Variants in RNF149 observed in about 807,000 individuals in gnomAD.
The protein encoded by RNF149 is ring finger protein 149.
RNF149 carries 21 observed loss-of-function variants against 39.0 expected under a neutral mutation model. The ratio of observed to expected loss-of-function variants is 0.54; its 90% CI spans 0.38 to 0.77. RNF149 has a LOEUF of 0.77. Ranked by LOEUF, RNF149 falls within the 30% of genes least tolerant of loss-of-function variation. The pLI is 0.00. For missense variants in RNF149, 493 were observed against 534.9 expected, an observed-to-expected ratio of 0.92 and a Z score of 0.77; for synonymous variants, 209 against 213.6, an observed-to-expected ratio of 0.98 and a Z score of 0.19.
intron 1 of RNF149, among the ~76,000 whole-genome samples, chr2:101,303,168 T>C (rs556107132): frequency 1.3e-5 from 2 of 152,226 alleles, no homozygotes; most frequent in East Asian, 1.9e-4. Flanking sequence ...AGAGCTGTAG[T>C]GCAGTGGTGC....
At chr2:101,278,700 C>A (rs569019522) in intron 6 of RNF149, among the ~76,000 whole-genome samples, 2 of 152,290 alleles carry the variant, frequency 1.3e-5, no homozygotes, top group African/African-American at 4.8e-5. Context: ...ACTCTTTGGG[C>A]ATCTTTCAAG....
chr2:101,300,425 G>T (rs1056489785), intron 1 of RNF149, among the ~76,000 whole-genome samples: 14 of 152,194 alleles, frequency 9.2e-5, no homozygotes, highest in South Asian at 2.1e-4. Flanking sequence ...AGGACACCCT[G>T]CACAGAAAAC....
At position 101,295,041 on chromosome 2, in the gene RNF149, C is replaced by T. The variant is rs759582246; in HGVS notation, c.601G>A (p.Val201Met). 2.5e-6 allele frequency: 4 copies of T among 1,614,048 alleles called. No individual in the cohort carries two copies. The highest frequency in any genetic ancestry group is 1.7e-5 in the Admixed American group (1 of 59,994). The stretch of plus-strand genomic sequence containing the variant: ...ATGAAGGCAATGGCCACAAACACCA[C>T]AGACTGACCGCTGATGAACTCCTGT... ...HVQEFISGQS[V>M]VFVAIAFITM... Residue 201 changes from valine to methionine, a missense_variant, in exon 2 of 7, where the codon GTG (valine) becomes ATG (methionine). Transcript: ENST00000295317.
chr2:101,281,543 T>A, intron 6 of RNF149: 3 of 200,462 alleles, frequency 1.5e-5, no homozygotes, highest in East Asian at 1.2e-4. Flanking sequence ...TCACCCAGGC[T>A]CAGGCTGGAG....
chr2:101,308,101 T>A, intron 1 of RNF149, 28 bp downstream of exon 1: 1 of 1,601,528 alleles, frequency 6.2e-7, no homozygotes, highest in Non-Finnish European at 8.5e-7. Flanking sequence ...GAAGTCCCCC[T>A]CCCGTCCTCG....
intron 1 of RNF149, among the ~76,000 whole-genome samples, chr2:101,300,661 CA>C (rs1449669365): frequency 6.6e-6 from 1 of 151,682 alleles, no homozygotes. Context: ...TAAAGCAAAC[CA>C]AAAAAACCTG....
Position 101,308,615 on chromosome 2 carries a change from G to A in RNF149, c.-27C>T. On this transcript the variant is annotated 5_prime_UTR_variant, in exon 1 of 7. Transcript: ENST00000295317. ...GCAGCACCGCTGAGCTGACTAGGGG[G>A]AGTCAGGGTCACGCGCGAGTGCGGT... The A allele has an allele frequency of 1.3e-6, 2 of 1,490,638 alleles. No homozygotes were observed. The highest frequency in any genetic ancestry group is 8.9e-7 in the Non-Finnish European group (1 of 1,128,984). The allele number at this position is 1,490,638 out of a possible 1,614,324, so 92.3% of individuals were successfully genotyped here.
At chr2:101,302,789 G>A (rs1182394039) in intron 1 of RNF149, among the ~76,000 whole-genome samples, 1 of 151,980 alleles carries the variant, frequency 6.6e-6, no homozygotes, top group African/African-American at 2.4e-5. Context: ...GAAGCAGCCG[G>A]GCAACACACG....
At chr2:101,282,343 C>T (rs964427645) in intron 5 of RNF149, among the ~76,000 whole-genome samples, 2 of 152,036 alleles carry the variant, frequency 1.3e-5, no homozygotes, top group Non-Finnish European at 2.9e-5. Context: ...AGCTTTCTTC[C>T]ACTTCCTTGC....
Position 101,295,008 on chromosome 2 carries a change from T to C in RNF149, c.634A>G (p.Met212Val), listed in dbSNP as rs1220821274. ...ATTAGCCAGGCTAACGAGATAATCA[T>C]CATGGTGATGAAGGCAATGGCCACA... The part of the protein sequence containing the change: ...VFVAIAFITM[M>V]IISLAWLIFY... The change falls in exon 2 of 7, where the codon ATG becomes GTG. Residue 212 changes from methionine (M) to valine (V), a missense_variant. By Grantham distance (21) the Met-to-Val change is conservative. Transcript: ENST00000295317. 4 of 1,613,944 alleles carry C rather than the reference T, an allele frequency of 2.5e-6. No homozygotes were observed. Among genetic ancestry groups the C allele is most frequent in the Non-Finnish European group, 3.4e-6 (4 of 1,179,932 alleles).
At chr2:101,297,775 A>G (rs1683291682) in intron 1 of RNF149, among the ~76,000 whole-genome samples, 1 of 152,222 alleles carries the variant, frequency 6.6e-6, no homozygotes, top group Non-Finnish European at 1.5e-5. Context: ...TGTATGTACA[A>G]CCATCATCAC....
At chr2:101,272,583 G>A (rs1045481231), downstream of RNF149, among the ~76,000 whole-genome samples, 1 of 152,122 alleles carries the variant, frequency 6.6e-6, no homozygotes, top group Non-Finnish European at 1.5e-5. Context: ...AACTAGTTTT[G>A]GTTTGAGTCA....
chr2:101,283,036 G>A (rs1014730557), intron 5 of RNF149, among the ~76,000 whole-genome samples: 2 of 152,050 alleles, frequency 1.3e-5, no homozygotes, highest in Non-Finnish European at 2.9e-5. Flanking sequence ...TTAACTACCT[G>A]CCAACCTCCA....
In RNF149 at chr2:101,277,227, G is replaced by A; in HGVS notation, c.*11C>T. 2 of 1,613,222 alleles carry A rather than the reference G, an allele frequency of 1.2e-6. No individual in the cohort carries two copies. The highest frequency in any genetic ancestry group is 2.2e-5 in the East Asian group (1 of 44,856). ...AAACTTCTGTTGGTGCCACTTCAGT[G>A]GGCACGTGTGCTAGGAGATGGGTCC... On this transcript the variant is annotated 3_prime_UTR_variant, in exon 7 of 7. Coordinates refer to ENST00000295317, the MANE Select transcript of RNF149 (RefSeq NM_173647.4).
intron 1 of RNF149, among the ~76,000 whole-genome samples, chr2:101,300,830 G>T (rs1215457049): frequency 6.6e-6 from 1 of 152,248 alleles, no homozygotes; most frequent in East Asian, 1.9e-4. Context: ...AGGCAGGGCA[G>T]TTGGGTAAAA....
intron 6 of RNF149, among the ~76,000 whole-genome samples, chr2:101,278,849 T>C (rs187680679): frequency 9.9e-5 from 15 of 152,230 alleles, no homozygotes; most frequent in African/African-American, 3.6e-4. Flanking sequence ...GCACTCCCCT[T>C]CAAGGAGGTG....
At chr2:101,291,156 A>C (rs1238936535) in intron 3 of RNF149, among the ~76,000 whole-genome samples, 2 of 151,652 alleles carry the variant, frequency 1.3e-5, no homozygotes, top group African/African-American at 4.8e-5. Context: ...TTAATTAATT[A>C]ATTTTTTTTT....
intron 1 of RNF149, 101 bp downstream of exon 1, chr2:101,308,028 C>T (rs954682036): frequency 6.7e-7 from 1 of 1,497,252 alleles, no homozygotes; most frequent in East Asian, 2.5e-5. Flanking sequence ...GAGAGCCGTG[C>T]CAGGCCCGCT....
chr2:101,301,549 G>T (rs1470877822), intron 1 of RNF149, among the ~76,000 whole-genome samples: 2 of 151,876 alleles, frequency 1.3e-5, no homozygotes, highest in African/African-American at 4.8e-5. Context: ...CAAGCAATCC[G>T]CCTGCCTCAT....
Sources: gnomAD v4.1 joint callset for allele counts (sites outside exome capture counted in the v4.1 genomes callset) on GRCh38, gnomAD v4.1.1 for gene constraint, MANE v1.5 for transcripts, NCBI Gene and HGNC (gene_info 2026-07-23, HGNC 2026-07-21) for gene names.